ZSWIM5: variants seen among roughly 807,000 people sequenced by gnomAD.
ZSWIM5 encodes the protein zinc finger SWIM-type containing 5.
In ZSWIM5, 55 loss-of-function variants were observed where a neutral mutation model predicts 119.6. The observed-to-expected ratio is 0.46, with a 90% confidence interval of 0.37 to 0.58. The LOEUF (loss-of-function observed/expected upper bound fraction) is 0.58. Among genes scored for constraint, ZSWIM5 ranks in the 20% least tolerant of loss-of-function variants. The probability of loss-of-function intolerance (pLI) is 0.00; values close to 1 mark genes in which losing one functional copy is unlikely to be tolerated. For missense variants in ZSWIM5, 1,193 were observed against 1,512.8 expected (o/e 0.79, Z 3.51); for synonymous variants, 537 against 606.9 (o/e 0.88, Z 1.69).
intron 4 of ZSWIM5, among the ~76,000 whole-genome samples, chr1:45,053,406 A>C (rs1283232314): frequency 6.6e-6 from 1 of 152,154 alleles, no homozygotes; most frequent in Non-Finnish European, 1.5e-5. Context: ...TAAGAGGTAA[A>C]GAAACAGGGT....
intron 2 of ZSWIM5, among the ~76,000 whole-genome samples, chr1:45,071,384 T>C (rs149453863): frequency 1.5e-3 from 230 of 151,888 alleles, no homozygotes; most frequent in African/African-American, 5.3e-3. Context: ...TTTGTCTTTC[T>C]GTGCCTGGGT....
chr1:45,176,457 G>T (rs1047456971), intron 1 of ZSWIM5, among the ~76,000 whole-genome samples: 6 of 151,948 alleles, frequency 3.9e-5, no homozygotes, highest in African/African-American at 1.4e-4. Flanking sequence ...TAGAGACGGG[G>T]TTTCGTCATG....
At chr1:45,167,368 C>T (rs1287545969) in intron 1 of ZSWIM5, among the ~76,000 whole-genome samples, 1 of 151,716 alleles carries the variant, frequency 6.6e-6, no homozygotes, top group African/African-American at 2.4e-5. Context: ...ACCATAAAAA[C>T]CCTAGAAGAA....
chr1:45,092,322 A>C (rs1231346265), intron 1 of ZSWIM5, among the ~76,000 whole-genome samples: 1 of 151,958 alleles, frequency 6.6e-6, no homozygotes, highest in Non-Finnish European at 1.5e-5. Context: ...TTTGAGATGG[A>C]GTCTCACTCT....
intron 5 of ZSWIM5, 36 bp downstream of exon 5, chr1:45,051,038 C>G (rs1645085391): frequency 6.3e-7 from 1 of 1,588,480 alleles, no homozygotes; most frequent in African/African-American, 1.4e-5. Context: ...TTTTGAAGTT[C>G]CAGGTACAAA....
intron 6 of ZSWIM5, among the ~76,000 whole-genome samples, chr1:45,041,486 C>A (rs919893561): frequency 4.0e-5 from 6 of 151,072 alleles, no homozygotes; most frequent in Non-Finnish European, 8.8e-5. Context: ...AAATAAAAAT[C>A]AGAAATAATC....
intron 4 of ZSWIM5, 41 bp downstream of exon 4, chr1:45,058,568 G>A: frequency 1.2e-6 from 2 of 1,611,804 alleles, no homozygotes; most frequent in Non-Finnish European, 1.7e-6. Context: ...CACAGGGCAA[G>A]ATGGTAGAAC....
At chr1:45,184,782 C>A (rs1299157143) in intron 1 of ZSWIM5, among the ~76,000 whole-genome samples, 3 of 152,034 alleles carry the variant, frequency 2.0e-5, no homozygotes, top group Non-Finnish European at 4.4e-5. Flanking sequence ...ATTCCATGCT[C>A]ATGGGTAGGA....
intron 1 of ZSWIM5, among the ~76,000 whole-genome samples, chr1:45,192,359 T>A (rs1449532734): frequency 6.6e-6 from 1 of 152,194 alleles, no homozygotes; most frequent in Non-Finnish European, 1.5e-5. Flanking sequence ...AAATACTGCA[T>A]GTAAGTGGAA....
chr1:45,168,022 C>T (rs1441020948), intron 1 of ZSWIM5, among the ~76,000 whole-genome samples: 4 of 152,072 alleles, frequency 2.6e-5, no homozygotes, highest in Non-Finnish European at 5.9e-5. Flanking sequence ...GACACATGCA[C>T]ACGTATGTTT....
intron 1 of ZSWIM5, among the ~76,000 whole-genome samples, chr1:45,167,376 GA>G (rs1053748718): frequency 6.6e-6 from 1 of 151,684 alleles, no homozygotes; most frequent in Non-Finnish European, 1.5e-5. Flanking sequence ...AACCCTAGAA[GA>G]AAACCTAGGC....
Position 45,031,335 on chromosome 1 carries a change from C to G in ZSWIM5, c.2449+2977G>C, listed in dbSNP as rs540797891. Among the ~76,000 whole-genome samples, 18 of 151,460 alleles carry G rather than the reference C, an allele frequency of 1.2e-4. No homozygotes were observed. The East Asian group carries it at 2.9e-3, about 25-fold the overall frequency. Reference sequence around the variant, plus strand: ...GGGATTATAGGCGCATGCCACCATGCTCACGCAATTTTTTTTTTTTGTATT... The same window carrying G: ...GGGATTATAGGCGCATGCCACCATGGTCACGCAATTTTTTTTTTTTGTATT... On this transcript the variant is annotated intron_variant, in intron 11 of 13. Transcript: ENST00000359600.
intron 1 of ZSWIM5, among the ~76,000 whole-genome samples, chr1:45,187,695 C>T (rs1348705670): frequency 6.6e-6 from 1 of 151,976 alleles, no homozygotes; most frequent in Non-Finnish European, 1.5e-5. Context: ...TTGCAAATCA[C>T]ATATCTGATA....
At chr1:45,046,634 A>ATGTGTGTGTGTGTGTGTGTGTG (rs60762459) in intron 5 of ZSWIM5, among the ~76,000 whole-genome samples, 21 of 147,518 alleles carry the variant, frequency 1.4e-4, no homozygotes, top group South Asian at 8.7e-4. Flanking sequence ...TGGGCAAGAT[A>ATGTGTGTGTGTGTGTGTGTGTG]TGTGTGTGTG....
intron 1 of ZSWIM5, among the ~76,000 whole-genome samples, chr1:45,172,449 A>T (rs952351893): frequency 9.2e-5 from 14 of 152,178 alleles, no homozygotes; most frequent in African/African-American, 1.9e-4. Context: ...AAATATTTTT[A>T]AAAATATTTT....
chr1:45,174,998 TG>T (rs1362422651), intron 1 of ZSWIM5, among the ~76,000 whole-genome samples: 3 of 152,118 alleles, frequency 2.0e-5, no homozygotes, highest in African/African-American at 7.2e-5. Context: ...CCCATTCAAC[TG>T]TTGCCAATTG....
At position 45,168,501 on chromosome 1, in the gene ZSWIM5, T is replaced by TAA. The variant is rs1491512242; in HGVS notation, c.595+37253_595+37254dup. ...ATAATAAATATATATATATTTTTTT[T>TAA]AAAAAATACAAAAATTAACTGGGTG... On this transcript the variant is annotated intron_variant, in intron 1 of 13. Transcript: ENST00000359600. Among the ~76,000 whole-genome samples, 1,064 of 146,238 alleles carry TAA rather than the reference T, an allele frequency of 7.3e-3. 14 individuals are homozygous for TAA. The highest frequency in any genetic ancestry group is 0.025 in the African/African-American group (1,030 of 40,632).
chr1:45,204,245 A>G (rs1340401240), intron 1 of ZSWIM5, among the ~76,000 whole-genome samples: 3 of 152,186 alleles, frequency 2.0e-5, no homozygotes, highest in Non-Finnish European at 4.4e-5. Flanking sequence ...AAAATATTTG[A>G]AACAAGAATC....
At chr1:45,136,866 T>C (rs1252528857) in intron 1 of ZSWIM5, among the ~76,000 whole-genome samples, 2 of 152,068 alleles carry the variant, frequency 1.3e-5, no homozygotes, top group Non-Finnish European at 2.9e-5. Context: ...TACCAGGGGC[T>C]CTCCTCCTTA....
Sources: gnomAD v4.1 joint callset for allele counts (sites outside exome capture counted in the v4.1 genomes callset) on GRCh38, gnomAD v4.1.1 for gene constraint, MANE v1.5 for transcripts, NCBI Gene and HGNC (gene_info 2026-07-23, HGNC 2026-07-21) for gene names.